Variants in NEGR1 observed in about 807,000 individuals in gnomAD.
The protein encoded by NEGR1 is neuronal growth regulator 1.
NEGR1 carries 10 observed loss-of-function variants against 40.9 expected under a neutral mutation model. The observed-to-expected ratio is 0.24, with a 90% CI of 0.15 to 0.42. The LOEUF (loss-of-function observed/expected upper bound fraction) is 0.42, where lower values mean the gene tolerates loss of function less well. NEGR1 is among the 10% of genes least tolerant of loss of function. NEGR1 has a pLI of 1.00. For synonymous variants in NEGR1, 185 were observed against 166.8 expected (o/e 1.11, Z -0.84); for missense variants, 352 against 438.9 (o/e 0.80, Z 1.77).
chr1:71,583,544 G>T (rs373174295), intron 6 of NEGR1, among the ~76,000 whole-genome samples: 1 of 152,150 alleles, frequency 6.6e-6, no homozygotes, highest in Non-Finnish European at 1.5e-5. Context: ...ACTTATGCAA[G>T]TCTTCCTAAA....
Position 72,189,425 on chromosome 1 carries a change from T to C in NEGR1, c.176+92894A>G, listed in dbSNP as rs116173562. Among the ~76,000 whole-genome samples, 441 of 151,636 alleles carry C rather than the reference T, an allele frequency of 2.9e-3. 2 individuals carry two copies. Among genetic ancestry groups the C allele is most frequent in the African/African-American group, 0.01 (422 of 41,498 alleles). On this transcript the variant is annotated intron_variant, in intron 1 of 6. Transcript: ENST00000357731. ...ATCTTTCAAACCCAGCTCAGCTGAG[T>C]AGATGTCAAATGTTTGAAAACATCT... is the stretch of plus-strand genomic sequence containing the variant.
At position 71,728,934 on chromosome 1, in the gene NEGR1, A is replaced by G. The variant is rs559821642; in HGVS notation, c.536-30795T>C. On this transcript the variant is annotated intron_variant, in intron 3 of 6. Transcript: ENST00000357731. ...GGAGCTAGGAGCAGGCATTTCTTGC[A>G]GTATTAATGTGACAGTGCATACCTA... Among the ~76,000 whole-genome samples the G allele has an allele frequency of 2.0e-5, 3 of 152,298 alleles. No homozygotes were observed. In the South Asian group the frequency reaches 6.2e-4, roughly 32 times the overall value.
intron 1 of NEGR1, among the ~76,000 whole-genome samples, chr1:72,224,587 T>A (rs566336031): frequency 9.2e-5 from 14 of 152,258 alleles, no homozygotes; most frequent in Admixed American, 2.6e-4. Flanking sequence ...CATGTCGGAA[T>A]GCATGGCCAA....
At chr1:71,626,692 A>G (rs1650794179) in intron 4 of NEGR1, among the ~76,000 whole-genome samples, 1 of 152,112 alleles carries the variant, frequency 6.6e-6, no homozygotes, top group African/African-American at 2.4e-5. Context: ...AACTACCATC[A>G]GAGTGAACAG....
At chr1:72,156,497 A>G (rs1322969221) in intron 1 of NEGR1, among the ~76,000 whole-genome samples, 1 of 152,182 alleles carries the variant, frequency 6.6e-6, no homozygotes, top group Non-Finnish European at 1.5e-5. Flanking sequence ...TATTTTTCTA[A>G]GTGAGAGATT....
rs541308737 is a variant in NEGR1 at position 71,453,258 on chromosome 1, T to A, written c.941-45688A>T. ...CAACTAATCTTCTACAAGTTCTGTG[T>A]CATCTTTATGTTCTACCTGAGTTGC... On this transcript the variant is annotated intron_variant, in intron 6 of 6. Coordinates refer to ENST00000357731, the MANE Select transcript of NEGR1 (RefSeq NM_173808.3). 5.3e-5 allele frequency among the ~76,000 whole-genome samples: 8 copies of A among 152,292 alleles called. No individual in the cohort carries two copies. In the South Asian group the frequency reaches 1.7e-3, roughly 32 times the overall value.
At chr1:71,431,174 T>G (rs1646466429) in intron 6 of NEGR1, among the ~76,000 whole-genome samples, 1 of 151,186 alleles carries the variant, frequency 6.6e-6, no homozygotes, top group African/African-American at 2.4e-5. Context: ...TTTAGATGTA[T>G]TCAAATCCCA....
At chr1:71,916,366 TTAAGCA>T (rs1439793373) in intron 2 of NEGR1, among the ~76,000 whole-genome samples, 9 of 152,112 alleles carry the variant, frequency 5.9e-5, no homozygotes, top group African/African-American at 1.9e-4. Flanking sequence ...ACAGCAAAGT[TTAAGCA>T]AAGTTCTACA....
intron 3 of NEGR1, among the ~76,000 whole-genome samples, chr1:71,765,899 G>T (rs1656104740): frequency 6.6e-6 from 1 of 152,028 alleles, no homozygotes; most frequent in Admixed American, 6.6e-5. Flanking sequence ...GACCTGGCCA[G>T]GCGCGGTGGC....
At chr1:72,197,673 G>C (rs1012540857) in intron 1 of NEGR1, among the ~76,000 whole-genome samples, 1 of 151,816 alleles carries the variant, frequency 6.6e-6, no homozygotes, top group Non-Finnish European at 1.5e-5. Flanking sequence ...ATTTTCATCT[G>C]CAAAATAAAT....
At chr1:71,548,373 C>T (rs1225651134) in intron 6 of NEGR1, among the ~76,000 whole-genome samples, 2 of 151,610 alleles carry the variant, frequency 1.3e-5, no homozygotes, top group African/African-American at 4.8e-5. Context: ...GTGAGGCACC[C>T]TCCATGCTGC....
intron 1 of NEGR1, among the ~76,000 whole-genome samples, chr1:71,950,954 T>C (rs932956858): frequency 2.6e-5 from 4 of 151,978 alleles, no homozygotes; most frequent in African/African-American, 9.7e-5. Flanking sequence ...TTTTTCTTTT[T>C]GTTTTCTCTA....
intron 1 of NEGR1, among the ~76,000 whole-genome samples, chr1:72,068,360 A>G (rs1478968261): frequency 6.6e-6 from 1 of 152,184 alleles, no homozygotes; most frequent in Non-Finnish European, 1.5e-5. Context: ...CTTCATTGCA[A>G]GATCCAATCA....
rs183459342 is a variant in NEGR1 at position 72,022,084 on chromosome 1, G to A, written c.177-86773C>T. The stretch of plus-strand genomic sequence containing the variant: ...CGGGAGGCGGAGCTTGCAGTGAGCC[G>A]AGATGGCGCCACTGCACTCCAGCCT... On this transcript the variant is annotated intron_variant, in intron 1 of 6. Coordinates refer to ENST00000357731, the MANE Select transcript of NEGR1 (RefSeq NM_173808.3). Among the ~76,000 whole-genome samples, 721 of 151,908 alleles carry A rather than the reference G, an allele frequency of 4.7e-3. 3 individuals carry two copies. The highest frequency in any genetic ancestry group is 0.016 in the African/African-American group (662 of 41,466).
intron 1 of NEGR1, among the ~76,000 whole-genome samples, chr1:72,050,755 C>T (rs1647052072): frequency 6.6e-6 from 1 of 151,480 alleles, no homozygotes; most frequent in African/African-American, 2.4e-5. Flanking sequence ...GAAATGACTA[C>T]ATGTGACTTC....
At chr1:71,639,559 T>G (rs1557596577) in intron 4 of NEGR1, among the ~76,000 whole-genome samples, 1 of 152,030 alleles carries the variant, frequency 6.6e-6, no homozygotes. Context: ...TGCACATGTT[T>G]GTAGGAAGTT....
intron 1 of NEGR1, among the ~76,000 whole-genome samples, chr1:72,121,919 TGGG>T (rs1244924256): frequency 6.6e-6 from 1 of 151,866 alleles, no homozygotes; most frequent in African/African-American, 2.4e-5. Flanking sequence ...GCTCCTTTTG[TGGG>T]GCAATGCAGA....
intron 1 of NEGR1, among the ~76,000 whole-genome samples, chr1:72,127,528 C>A (rs1557540532): frequency 6.8e-6 from 1 of 146,800 alleles, no homozygotes; most frequent in Non-Finnish European, 1.5e-5. Context: ...TTATTTATCA[C>A]CTCTATAAAC....
chr1:71,928,687 T>G (rs926686689), intron 2 of NEGR1, among the ~76,000 whole-genome samples: 7 of 151,742 alleles, frequency 4.6e-5, no homozygotes, highest in African/African-American at 1.7e-4. Flanking sequence ...TCTTCATAAA[T>G]TGCAAAACTG....
Sources: gnomAD v4.1 joint callset for allele counts (sites outside exome capture counted in the v4.1 genomes callset) on GRCh38, gnomAD v4.1.1 for gene constraint, MANE v1.5 for transcripts, NCBI Gene and HGNC (gene_info 2026-07-23, HGNC 2026-07-21) for gene names.